The following STK4 variants were observed in gnomAD, a reference collection of about 807,000 sequenced individuals.
STK4 encodes serine/threonine kinase 4.
Under a neutral mutation model 64.9 loss-of-function variants are expected in STK4, and 30 were observed. That is an observed-to-expected ratio of 0.46 (90% confidence interval 0.35 to 0.63). STK4 has a LOEUF of 0.63. Among genes scored for constraint, STK4 ranks in the 20% least tolerant of loss-of-function variants. The pLI is 0.01. For synonymous variants in STK4, 177 were observed against 199.0 expected (o/e 0.89, Z 0.93); for missense variants, 466 against 598.5 (o/e 0.78, Z 2.31).
At position 45,078,107 on chromosome 20, in the gene STK4, TC is replaced by T. The variant is rs1245814672; in HGVS notation, c.*2933del. 1 of 152,186 alleles carries T rather than the reference TC, an allele frequency of 6.6e-6. No homozygotes were observed. The highest frequency in any genetic ancestry group is 1.5e-5 in the Non-Finnish European group (1 of 68,036). The allele number at this position is 152,186 out of a possible 1,614,324, so 9.4% of individuals were successfully genotyped here. On this transcript the variant is annotated 3_prime_UTR_variant, in exon 11 of 11. Transcript: ENST00000372806. Reference sequence around the variant, plus strand: ...TGCTTGAGCATTTGGAACTCGAGCTTCCAGAGAAATTTGAGGTCCTCGCTTG... The same window carrying T: ...TGCTTGAGCATTTGGAACTCGAGCTTCAGAGAAATTTGAGGTCCTCGCTTG...
At chr20:45,031,089 GCC>G (rs558764222) in intron 10 of STK4, among the ~76,000 whole-genome samples, 277 of 152,122 alleles carry the variant, frequency 1.8e-3, no homozygotes, top group African/African-American at 6.4e-3. Flanking sequence ...AACAGACCAG[GCC>G]CATGTTCTCA....
At chr20:45,055,208 A>G (rs1978361434) in intron 10 of STK4, among the ~76,000 whole-genome samples, 1 of 152,150 alleles carries the variant, frequency 6.6e-6, no homozygotes, top group Non-Finnish European at 1.5e-5. Flanking sequence ...ATTCAGAAAT[A>G]TCATGGTTGT....
chr20:45,057,473 C>G (rs1168059019), intron 10 of STK4, among the ~76,000 whole-genome samples: 1 of 152,130 alleles, frequency 6.6e-6, no homozygotes, highest in Non-Finnish European at 1.5e-5. Flanking sequence ...TTAGAACTTA[C>G]GTAGTTTTAA....
intron 10 of STK4, among the ~76,000 whole-genome samples, chr20:45,063,562 T>TA (rs954067492): frequency 2.0e-5 from 3 of 152,206 alleles, no homozygotes; most frequent in Admixed American, 6.5e-5. Context: ...CCCTTGATAG[T>TA]TTACCTCTTG....
intron 3 of STK4, 126 bp downstream of exon 3, chr20:44,978,697 T>C (rs1033010484): frequency 5.4e-6 from 6 of 1,108,282 alleles, no homozygotes; most frequent in Non-Finnish European, 7.3e-6. Flanking sequence ...ATGGAATCAC[T>C]GTGCATTTTC....
chr20:44,997,180 G>T lies in STK4; in HGVS notation c.705G>T (p.Met235Ile). The change falls in exon 7 of 11, where the codon ATG (methionine) becomes ATT (isoleucine). Residue 235 changes from methionine to isoleucine, a missense_variant. Around this residue, in one of 2 missense-constraint regions of STK4, gnomAD observed 190 missense variants for 289.7 expected, o/e 0.66. Coordinates refer to ENST00000372806, the MANE Select transcript of STK4 (RefSeq NM_006282.5). ...ADIHPMRAIFMIPTNPPPTFR... is the reference protein window; with the variant it reads ...ADIHPMRAIFIIPTNPPPTFR... ...TTTGTTCTAACCAGGCAATCTTCAT[G>T]ATTCCTACAAATCCTCCTCCCACAT... 1 of 1,613,826 alleles carries T rather than the reference G, an allele frequency of 6.2e-7. No homozygotes were observed. Among genetic ancestry groups the T allele is most frequent in the Non-Finnish European group, 8.5e-7 (1 of 1,179,822 alleles).
At chr20:44,976,456 G>A (rs1414486713) in intron 2 of STK4, among the ~76,000 whole-genome samples, 3 of 152,206 alleles carry the variant, frequency 2.0e-5, no homozygotes, top group Non-Finnish European at 2.9e-5. Context: ...TTACATTACA[G>A]TAGAATAGTA....
intron 4 of STK4, among the ~76,000 whole-genome samples, chr20:44,985,714 A>G (rs1222307315): frequency 4.6e-5 from 7 of 152,218 alleles, no homozygotes; most frequent in African/African-American, 1.2e-4. Flanking sequence ...GTGTTAAATT[A>G]TGACATATTA....
chr20:45,017,424 G>A (rs760170913), intron 9 of STK4, among the ~76,000 whole-genome samples: 6 of 152,222 alleles, frequency 3.9e-5, no homozygotes, highest in Non-Finnish European at 5.9e-5. Flanking sequence ...AAGGATTTGT[G>A]AAAAGGAAGG....
chr20:44,985,340 C>CTTTA (rs754885070), intron 4 of STK4, among the ~76,000 whole-genome samples: 39 of 152,052 alleles, frequency 2.6e-4, no homozygotes, highest in African/African-American at 6.8e-4. Flanking sequence ...AACGGTTAGC[C>CTTTA]TTTATTTATT....
In STK4 at chr20:44,986,504, A is replaced by G. The variant is rs541244656; in HGVS notation, c.361-628A>G. Among the ~76,000 whole-genome samples, 81 of 151,966 alleles carry G rather than the reference A, an allele frequency of 5.3e-4. No homozygotes were observed. In the Middle Eastern group the frequency reaches 0.01, roughly 19 times the overall value. ...AGCCAGATCATGTAAAGCCTTGGTA[A>G]GGACTGACTTTTATTTTAAGTGGGT... On this transcript the variant is annotated intron_variant, in intron 4 of 10. Transcript: ENST00000372806.
intron 9 of STK4, among the ~76,000 whole-genome samples, chr20:45,002,814 A>G (rs530440355): frequency 2.6e-5 from 4 of 152,258 alleles, no homozygotes; most frequent in Admixed American, 1.3e-4. Flanking sequence ...TGAGAGGAGT[A>G]AGGGGTAAAA....
In STK4 at chr20:45,050,331, T is replaced by C. The variant is rs1440631144; in HGVS notation, c.1306-24687T>C. Among the ~76,000 whole-genome samples the C allele has an allele frequency of 9.9e-5, 15 of 152,250 alleles. No individual in the cohort carries two copies. The South Asian group carries it at 3.1e-3, about 31-fold the overall frequency. On this transcript the variant is annotated intron_variant, in intron 10 of 10. Coordinates refer to ENST00000372806, the MANE Select transcript of STK4 (RefSeq NM_006282.5). Reference sequence around the variant, plus strand: ...ATGAGCAGACTGTTGAGTTTATTTCTGTTGTCTTTGCCAGTCTCTCAAAAC... The same window carrying C: ...ATGAGCAGACTGTTGAGTTTATTTCCGTTGTCTTTGCCAGTCTCTCAAAAC...
chr20:45,070,540 G>A (rs1428123102), intron 10 of STK4, among the ~76,000 whole-genome samples: 1 of 152,134 alleles, frequency 6.6e-6, no homozygotes, highest in Non-Finnish European at 1.5e-5. Context: ...AAGGAGACAA[G>A]ATTTGGGGAT....
At chr20:45,038,920 TAGAC>T (rs1393763943) in intron 10 of STK4, among the ~76,000 whole-genome samples, 2 of 152,098 alleles carry the variant, frequency 1.3e-5, no homozygotes, top group Non-Finnish European at 2.9e-5. Flanking sequence ...TTTTTTGGCT[TAGAC>T]AGATAGATGA....
chr20:45,048,994 G>GT (rs144840755), intron 10 of STK4, among the ~76,000 whole-genome samples: 4,288 of 147,632 alleles, frequency 0.029, 186 homozygotes, highest in African/African-American at 0.094. Flanking sequence ...CCACATTGAT[G>GT]TTTTTTTTTT....
intron 9 of STK4, among the ~76,000 whole-genome samples, chr20:45,017,794 G>A (rs1489383922): frequency 5.9e-5 from 9 of 152,078 alleles, no homozygotes; most frequent in Non-Finnish European, 1.2e-4. Context: ...TTTGAATTTT[G>A]GATTTAGCTC....
Position 45,075,720 on chromosome 20 carries a change from C to T in STK4, c.*544C>T, listed in dbSNP as rs1485504397. On this transcript the variant is annotated 3_prime_UTR_variant, in exon 11 of 11. Transcript: ENST00000372806. Reference sequence around the variant, plus strand: ...CACTGAATCCCAGGAGCCAACCTCCCCCTTTGCAGGGCTGCATTTAAAAAT... The same window carrying T: ...CACTGAATCCCAGGAGCCAACCTCCTCCTTTGCAGGGCTGCATTTAAAAAT... The T allele has an allele frequency of 6.5e-6, 1 of 152,758 alleles. No individual in the cohort carries two copies. The highest frequency in any genetic ancestry group is 6.5e-5 in the Admixed American group (1 of 15,268). The allele number at this position is 152,758 out of a possible 1,614,324, so 9.5% of individuals were successfully genotyped here. A position where few individuals can be genotyped will look rare whatever the true frequency, so the allele number is the denominator to read the frequency against.
chr20:45,048,171 G>C (rs1399204289), intron 10 of STK4, among the ~76,000 whole-genome samples: 1 of 152,200 alleles, frequency 6.6e-6, no homozygotes, highest in African/African-American at 2.4e-5. Flanking sequence ...AGAGCAGATA[G>C]ACTTGGATCC....
Sources: allele counts gnomAD v4.1 joint callset (sites outside exome capture counted in the v4.1 genomes callset), GRCh38; gene constraint gnomAD v4.1.1; regional missense constraint gnomAD v4.1.1; transcripts MANE v1.5; gene names NCBI Gene and HGNC (gene_info 2026-07-23, HGNC 2026-07-21).